The following ANKRD44 variants were observed in gnomAD, a reference collection of about 807,000 sequenced individuals.
ANKRD44 encodes the protein serine/threonine-protein phosphatase 6 regulatory ankyrin repeat subunit B.
Under a neutral mutation model 116.0 loss-of-function variants are expected in ANKRD44, and 35 were observed. That is an observed-to-expected ratio of 0.30 (90% CI 0.23 to 0.40). The LOEUF (loss-of-function observed/expected upper bound fraction) is 0.40, where lower values mean the gene tolerates loss of function less well. Ranked by LOEUF, ANKRD44 falls within the 10% of genes least tolerant of loss-of-function variation. The pLI, the probability that ANKRD44 is intolerant of heterozygous loss-of-function variation, is 1.00. For synonymous variants in ANKRD44, 435 were observed against 461.8 expected, an observed-to-expected ratio of 0.94 and a Z score of 0.74; for missense variants, 1,014 against 1,242.6, an observed-to-expected ratio of 0.82 and a Z score of 2.77.
chr2:197,065,335 C>A (rs904260422), intron 16 of ANKRD44, among the ~76,000 whole-genome samples: 1 of 152,106 alleles, frequency 6.6e-6, no homozygotes, highest in Non-Finnish European at 1.5e-5. Context: ...GCACTAAATA[C>A]CCACAAGAGA....
chr2:197,031,141 A>G (rs943822379), intron 16 of ANKRD44, among the ~76,000 whole-genome samples: 7 of 152,284 alleles, frequency 4.6e-5, no homozygotes, highest in East Asian at 1.9e-4. Flanking sequence ...TTTTAAAACC[A>G]TAAGTGTTGA....
chr2:197,192,483 A>G lies in ANKRD44; in HGVS notation c.28-5377T>C, dbSNP rs545465810. ...CATCTGTCCCTCCTTGAGCATTCTG[A>G]GTACATATGTCATTAAAGTAAGATG... is the stretch of plus-strand genomic sequence containing the variant. On this transcript the variant is annotated intron_variant, in intron 1 of 27. Transcript: ENST00000282272. Among the ~76,000 whole-genome samples the G allele has an allele frequency of 3.4e-3, 520 of 152,368 alleles. 3 individuals are homozygous for G. The highest frequency in any genetic ancestry group is 6.0e-3 in the South Asian group (29 of 4,830).
intron 21 of ANKRD44, among the ~76,000 whole-genome samples, chr2:196,978,349 T>C (rs897107702): frequency 1.3e-5 from 2 of 152,214 alleles, no homozygotes; most frequent in African/African-American, 2.4e-5. Flanking sequence ...GCCAGCACCA[T>C]GCTTCCTGTA....
intron 21 of ANKRD44, among the ~76,000 whole-genome samples, chr2:196,975,428 A>T (rs1314519361): frequency 6.6e-6 from 1 of 152,224 alleles, no homozygotes; most frequent in East Asian, 1.9e-4. Context: ...ATAGAAGAGG[A>T]AGGAACATTT....
At chr2:197,296,695 C>G (rs1428653550) in intron 1 of ANKRD44, 1 of 152,138 alleles carries the variant, frequency 6.6e-6, no homozygotes, top group Non-Finnish European at 1.5e-5. Flanking sequence ...TACATCTCAA[C>G]CAAGAATCAC....
At chr2:197,139,585 A>G (rs1377979068) in intron 3 of ANKRD44, among the ~76,000 whole-genome samples, 1 of 152,054 alleles carries the variant, frequency 6.6e-6, no homozygotes, top group East Asian at 1.9e-4. Flanking sequence ...GTACCCATAC[A>G]GCTGCAACTG....
chr2:197,163,464 G>A (rs2080018940), intron 2 of ANKRD44, among the ~76,000 whole-genome samples: 1 of 152,160 alleles, frequency 6.6e-6, no homozygotes, highest in African/African-American at 2.4e-5. Flanking sequence ...TAAAGATGTG[G>A]GACATTTACT....
intron 16 of ANKRD44, among the ~76,000 whole-genome samples, chr2:197,072,050 GGAAGGAAGGA>G (rs1174715717): frequency 5.3e-5 from 3 of 56,096 alleles, no homozygotes; most frequent in African/African-American, 3.1e-4. Flanking sequence ...GAGGAAAGAA[GGAAGGAAGGA>G]AGGAAGGAAG....
intron 8 of ANKRD44, among the ~76,000 whole-genome samples, chr2:197,118,893 CAA>C (rs1195864201): frequency 6.6e-6 from 1 of 152,142 alleles, no homozygotes; most frequent in African/African-American, 2.4e-5. Flanking sequence ...TTCTTTAACA[CAA>C]ATGTACGTTT....
intron 9 of ANKRD44, among the ~76,000 whole-genome samples, chr2:197,100,174 C>T (rs1451176544): frequency 1.3e-5 from 2 of 152,178 alleles, no homozygotes; most frequent in Non-Finnish European, 1.5e-5. Flanking sequence ...TGGTGGCTAA[C>T]GCCTGTAATC....
chr2:197,241,790 C>A (rs1474779105), intron 1 of ANKRD44, among the ~76,000 whole-genome samples: 1 of 152,040 alleles, frequency 6.6e-6, no homozygotes, highest in Non-Finnish European at 1.5e-5. Flanking sequence ...AAGGAAGAAT[C>A]ATTTCAATGA....
rs893682886 is a variant in ANKRD44, at chr2:197,212,844, A to G, written c.28-25738T>C. On this transcript the variant is annotated intron_variant, in intron 1 of 27. Coordinates refer to ENST00000282272, the MANE Select transcript of ANKRD44 (RefSeq NM_001195144.2). This position sits in a 1 kb window ranked among gnomAD's most constrained non-coding sequence, Gnocchi z 4.8. ...GGTGATCACATGCCCACGGTGAGAG[A>G]GAAAAAAGGAAACACGACCCCACAG... Among the ~76,000 whole-genome samples, 2 of 152,232 alleles carry G rather than the reference A, an allele frequency of 1.3e-5. No individual in the cohort carries two copies. Among genetic ancestry groups the G allele is most frequent in the African/African-American group, 4.8e-5 (2 of 41,448 alleles).
chr2:197,267,322 A>G (rs1369524575), intron 1 of ANKRD44, among the ~76,000 whole-genome samples: 2 of 152,204 alleles, frequency 1.3e-5, no homozygotes, highest in South Asian at 4.1e-4. Context: ...TTATGCATTT[A>G]TCATTTTTCC....
At chr2:197,004,489 G>T (rs796736516) in intron 21 of ANKRD44, among the ~76,000 whole-genome samples, 1 of 152,054 alleles carries the variant, frequency 6.6e-6, no homozygotes, top group Non-Finnish European at 1.5e-5. Context: ...AACAGTGGAT[G>T]GAAAAAGTAA....
intron 4 of ANKRD44, among the ~76,000 whole-genome samples, chr2:197,131,640 TCTC>T (rs1230943032): frequency 2.0e-5 from 3 of 152,090 alleles, no homozygotes; most frequent in South Asian, 2.1e-4. Flanking sequence ...GTTCAGCAAT[TCTC>T]CTCTGATGCT....
intron 1 of ANKRD44, among the ~76,000 whole-genome samples, chr2:197,195,733 T>C (rs939904473): frequency 6.6e-6 from 1 of 152,226 alleles, no homozygotes; most frequent in African/African-American, 2.4e-5. Flanking sequence ...AGCTCTGTTT[T>C]GTCAGACTTG....
chr2:197,138,328 T>C (rs536579201), intron 3 of ANKRD44, among the ~76,000 whole-genome samples: 121 of 152,274 alleles, frequency 7.9e-4, no homozygotes, highest in African/African-American at 2.8e-3. Flanking sequence ...AATAGGAACT[T>C]TAAGAACACA....
At chr2:197,177,996 C>T (rs1002011726) in intron 2 of ANKRD44, among the ~76,000 whole-genome samples, 1 of 152,148 alleles carries the variant, frequency 6.6e-6, no homozygotes, top group African/African-American at 2.4e-5. Context: ...CAGATAGCAA[C>T]AAACATCTTT....
At chr2:197,103,527 G>A (rs12621335) in intron 9 of ANKRD44, among the ~76,000 whole-genome samples, 103,145 of 151,864 alleles carry the variant, frequency 0.68, 36,114 homozygotes, top group East Asian at 0.95. Flanking sequence ...CCAGGGGCTG[G>A]GGACAAATGG....
Sources: allele counts gnomAD v4.1 joint callset (sites outside exome capture counted in the v4.1 genomes callset), GRCh38; gene constraint gnomAD v4.1.1; non-coding constraint Gnocchi (gnomAD v3.1); transcripts MANE v1.5; gene names NCBI Gene and HGNC (gene_info 2026-07-23, HGNC 2026-07-21).